Variants in PTPRO observed in about 807,000 individuals in gnomAD.
PTPRO encodes the protein receptor-type tyrosine-protein phosphatase O.
PTPRO carries 62 observed loss-of-function variants against 145.2 expected under a neutral mutation model. The observed-to-expected ratio is 0.43, with a 90% CI of 0.35 to 0.53. The LOEUF is 0.53. Among genes scored for constraint, PTPRO ranks in the 20% least tolerant of loss-of-function variants. PTPRO has a pLI of 0.01. For missense variants in PTPRO, 1,345 were observed against 1,482.7 expected (o/e 0.91, Z 1.53); for synonymous variants, 565 against 514.7 (o/e 1.10, Z -1.32).
chr12:15,461,566 C>CTTTTTTTT (rs141018489), intron 1 of PTPRO, among the ~76,000 whole-genome samples: 2 of 70,522 alleles, frequency 2.8e-5, no homozygotes, highest in African/African-American at 9.1e-5. Flanking sequence ...ATTGCTATAG[C>CTTTTTTTT]TTTTTTTTTT....
chr12:15,480,491 T>G (rs1239767935), intron 1 of PTPRO, among the ~76,000 whole-genome samples: 1 of 152,200 alleles, frequency 6.6e-6, no homozygotes, highest in East Asian at 1.9e-4. Context: ...TAGCTTTGGC[T>G]GGGCTACCTG....
At chr12:15,560,460 T>C (rs930332363) in intron 17 of PTPRO, among the ~76,000 whole-genome samples, 184 bp downstream of exon 17, 6 of 152,234 alleles carry the variant, frequency 3.9e-5, no homozygotes, top group African/African-American at 9.6e-5. Context: ...AGGTTTTCCG[T>C]TAAATTTTTT....
At chr12:15,338,023 G>A (rs1232368763) in intron 1 of PTPRO, among the ~76,000 whole-genome samples, 3 of 152,182 alleles carry the variant, frequency 2.0e-5, no homozygotes, top group Admixed American at 2.0e-4. Flanking sequence ...AAATTTGTAA[G>A]ATCTGGACAT....
chr12:15,483,086 G>C, intron 1 of PTPRO, among the ~76,000 whole-genome samples: 1 of 152,050 alleles, frequency 6.6e-6, no homozygotes. Context: ...TGCTATTATA[G>C]AAAAGAAATT....
intron 23 of PTPRO, among the ~76,000 whole-genome samples, chr12:15,582,314 G>T (rs556769967): frequency 5.2e-4 from 79 of 152,370 alleles, no homozygotes; most frequent in Middle Eastern, 6.8e-3. Context: ...TTTATGGCCA[G>T]ATTTGGGGGC....
At chr12:15,348,487 G>A (rs1392659474) in intron 1 of PTPRO, 2 of 152,160 alleles carry the variant, frequency 1.3e-5, no homozygotes, top group African/African-American at 2.4e-5. Context: ...GGCCGGGCGC[G>A]GTGGCTGACG....
intron 1 of PTPRO, among the ~76,000 whole-genome samples, chr12:15,393,259 TTC>T (rs1296567672): frequency 6.6e-6 from 1 of 152,138 alleles, no homozygotes; most frequent in African/African-American, 2.4e-5. Flanking sequence ...AGGCTCAAAT[TTC>T]TGATTCCTTT....
At chr12:15,500,808 G>A (rs1486122380) in intron 4 of PTPRO, among the ~76,000 whole-genome samples, 1 of 152,148 alleles carries the variant, frequency 6.6e-6, no homozygotes, top group South Asian at 2.1e-4. Context: ...TGTAATCCCA[G>A]CTACTCGGGA....
intron 1 of PTPRO, chr12:15,440,474 G>A (rs753948231): frequency 1.0e-5 from 2 of 199,282 alleles, no homozygotes; most frequent in Non-Finnish European, 2.0e-5. Context: ...AGTCTGCTGT[G>A]TTCATGAAAC....
chr12:15,354,185 G>A (rs1352981460), intron 1 of PTPRO, among the ~76,000 whole-genome samples: 2 of 152,084 alleles, frequency 1.3e-5, no homozygotes, highest in African/African-American at 4.8e-5. Flanking sequence ...CTGCCACAAT[G>A]GGCTGCATCT....
At chr12:15,590,800 A>G (rs955068459) in intron 25 of PTPRO, among the ~76,000 whole-genome samples, 6 of 152,174 alleles carry the variant, frequency 3.9e-5, no homozygotes, top group African/African-American at 1.4e-4. Context: ...CTGCCTAGTA[A>G]TTTAGTGTGG....
At chr12:15,546,816 T>C in intron 13 of PTPRO, 108 bp downstream of exon 13, 1 of 1,469,626 alleles carries the variant, frequency 6.8e-7, no homozygotes, top group African/African-American at 1.4e-5. Context: ...TGAAAACTGT[T>C]TATTTGCTCT....
In PTPRO at chr12:15,483,973, G is replaced by A; in HGVS notation, c.76-1G>A. On this transcript the variant is annotated splice_acceptor_variant, in intron 1 of 26. Coordinates refer to ENST00000281171, the MANE Select transcript of PTPRO (RefSeq NM_030667.3). LOFTEE classifies it high-confidence loss of function. ...TCTTTTTATTCTGTTTCATTCAACA[G>A]AATGCTACAGCTTTCCATGTAACTG... 6.2e-7 allele frequency: 1 copy of A among 1,613,090 alleles called. No individual in the cohort carries two copies. Among genetic ancestry groups the A allele is most frequent in the Non-Finnish European group, 8.5e-7 (1 of 1,179,282 alleles).
chr12:15,523,513 G>A (rs1020840401), intron 10 of PTPRO, among the ~76,000 whole-genome samples: 1 of 152,076 alleles, frequency 6.6e-6, no homozygotes, highest in Non-Finnish European at 1.5e-5. Context: ...GGAAGCTCAC[G>A]CCTGAAATCC....
intron 25 of PTPRO, among the ~76,000 whole-genome samples, chr12:15,591,281 G>C (rs1211281925): frequency 6.6e-6 from 1 of 152,102 alleles, no homozygotes; most frequent in Non-Finnish European, 1.5e-5. Context: ...TGAGGCAAGA[G>C]AGTTGCTTGA....
intron 1 of PTPRO, among the ~76,000 whole-genome samples, chr12:15,335,036 A>G (rs1219755416): frequency 6.6e-6 from 1 of 152,110 alleles, no homozygotes; most frequent in East Asian, 1.9e-4. Flanking sequence ...GTGATCCATA[A>G]AATAGATATC....
At chr12:15,364,521 C>T (rs2136248128) in intron 1 of PTPRO, among the ~76,000 whole-genome samples, 1 of 152,250 alleles carries the variant, frequency 6.6e-6, no homozygotes, top group East Asian at 1.9e-4. Flanking sequence ...GTTTTCTATT[C>T]CTATATCATG....
intron 1 of PTPRO, among the ~76,000 whole-genome samples, chr12:15,452,568 C>T (rs917479829): frequency 6.6e-6 from 1 of 152,074 alleles, no homozygotes; most frequent in Non-Finnish European, 1.5e-5. Context: ...GACCAGTATC[C>T]CTGATGAATA....
intron 1 of PTPRO, among the ~76,000 whole-genome samples, chr12:15,394,353 T>C (rs1939277760): frequency 6.6e-6 from 1 of 152,114 alleles, no homozygotes; most frequent in African/African-American, 2.4e-5. Context: ...TCTGCTTTAT[T>C]TCTCTTACTG....
Sources: allele counts gnomAD v4.1 joint callset (sites outside exome capture counted in the v4.1 genomes callset), GRCh38; gene constraint gnomAD v4.1.1; transcripts MANE v1.5; gene names NCBI Gene and HGNC (gene_info 2026-07-23, HGNC 2026-07-21).